The following BCL9 variants were observed in gnomAD, a reference collection of about 807,000 sequenced individuals.
The protein encoded by BCL9 is B-cell CLL/lymphoma 9 protein.
BCL9 carries 25 observed loss-of-function variants against 88.5 expected under a neutral mutation model. That is an observed-to-expected ratio of 0.28 (90% CI 0.21 to 0.39). The LOEUF (loss-of-function observed/expected upper bound fraction) is 0.39. Among genes scored for constraint, BCL9 ranks in the 10% least tolerant of loss-of-function variants. The pLI is 1.00. For synonymous variants in BCL9, 711 were observed against 673.3 expected (o/e 1.06, Z -0.87); for missense variants, 1,817 against 1,877.8 (o/e 0.97, Z 0.60).
At chr1:147,607,944 G>A (rs1657805881) in intron 3 of BCL9, among the ~76,000 whole-genome samples, 1 of 152,156 alleles carries the variant, frequency 6.6e-6, no homozygotes, top group South Asian at 2.1e-4. Context: ...AGCATGAGAA[G>A]AGAAGATGAC....
In BCL9 at chr1:147,622,547, G is replaced by T; in HGVS notation, c.3163+16G>T. The T allele has an allele frequency of 6.2e-7, 1 of 1,613,998 alleles. No homozygotes were observed. The highest frequency in any genetic ancestry group is 8.5e-7 in the Non-Finnish European group (1 of 1,179,896). On this transcript the variant is annotated intron_variant, in intron 9 of 9. Transcript: ENST00000234739. ...AATATGCCAGGTAAGAAATCAGAAAGGCAGGTTGTGGAGTGAGTGCTAGAC... is the reference window on the plus strand; with the variant it reads ...AATATGCCAGGTAAGAAATCAGAAATGCAGGTTGTGGAGTGAGTGCTAGAC...
At chr1:147,557,370 A>T (rs1156252174) in intron 1 of BCL9, among the ~76,000 whole-genome samples, 1 of 152,208 alleles carries the variant, frequency 6.6e-6, no homozygotes, top group Non-Finnish European at 1.5e-5. Flanking sequence ...AATTTCCCTT[A>T]CAGATATATC....
intron 1 of BCL9, among the ~76,000 whole-genome samples, chr1:147,571,171 C>T (rs781950930): frequency 2.6e-5 from 4 of 152,176 alleles, no homozygotes; most frequent in Admixed American, 1.3e-4. Context: ...AGTGTGTGAT[C>T]GGTTGTGGCA....
intron 3 of BCL9, among the ~76,000 whole-genome samples, chr1:147,611,248 G>C (rs1405346534): frequency 6.6e-6 from 1 of 152,194 alleles, no homozygotes; most frequent in Non-Finnish European, 1.5e-5. Flanking sequence ...ACAAGTTTTT[G>C]AGGGTTTTGT....
intron 1 of BCL9, among the ~76,000 whole-genome samples, chr1:147,555,528 A>G (rs1262454881): frequency 2.0e-5 from 3 of 152,260 alleles, no homozygotes; most frequent in Admixed American, 2.0e-4. Flanking sequence ...CAAGTTAGTT[A>G]AGGCAGGAAT....
chr1:147,593,847 G>A (rs185941021), intron 1 of BCL9, among the ~76,000 whole-genome samples: 83 of 152,292 alleles, frequency 5.5e-4, no homozygotes, highest in African/African-American at 1.9e-3. Flanking sequence ...CTGCTCTTGG[G>A]ATATGGGGGA....
Position 147,614,599 on chromosome 1 carries a change from T to C in BCL9, c.543T>C (p.Ser181=), listed in dbSNP as rs1553203504. The stretch of plus-strand genomic sequence containing the variant: ...CAGCCAAAGTGGTGTACGTGTTTTC[T>C]ACTGAGATGGCCAATAAGTAAGTTG... ...KTPAKVVYVF[S]TEMANKAAEA... The change falls in exon 6 of 10, where the codon TCT becomes TCC. Residue 181 remains serine (S), a synonymous_variant. Coordinates refer to ENST00000234739, the MANE Select transcript of BCL9 (RefSeq NM_004326.4). 6.2e-7 allele frequency: 1 copy of C among 1,612,524 alleles called. No homozygotes were observed. Among genetic ancestry groups the C allele is most frequent in the East Asian group, 2.2e-5 (1 of 44,812 alleles).
In BCL9 at chr1:147,614,488, C is replaced by G. The variant is rs781911464; in HGVS notation, c.432C>G (p.Thr144=). 6.2e-7 allele frequency: 1 copy of G among 1,614,028 alleles called. No homozygotes were observed. The highest frequency in any genetic ancestry group is 1.1e-5 in the South Asian group (1 of 91,078). The part of the protein sequence containing the change: ...QDSQHTPHSM[T]PSNATAPRSS... ...CCCAGCACACACCACACTCGATGACCCCATCAAATGCTACAGCCCCCAGGT... is the reference window on the plus strand; with the variant it reads ...CCCAGCACACACCACACTCGATGACGCCATCAAATGCTACAGCCCCCAGGT... The change falls in exon 6 of 10, where the codon ACC becomes ACG. Residue 144 remains threonine, a synonymous_variant. Transcript: ENST00000234739.
In BCL9 at chr1:147,619,430, C is replaced by T. The variant is rs201343865; in HGVS notation, c.1275C>T (p.Asp425=). 2.3e-5 allele frequency: 37 copies of T among 1,613,984 alleles called. No homozygotes were observed. Among genetic ancestry groups the T allele is most frequent in the East Asian group, 1.3e-4 (6 of 44,900 alleles). The change falls in exon 8 of 10, where the codon GAC becomes GAT. Residue 425 remains aspartate (D), a synonymous_variant. Transcript: ENST00000234739. This position sits in a 1 kb window ranked among gnomAD's most constrained non-coding sequence, Gnocchi z 4.1. ...SLGKGPGPRT[D]VGAPFGPQGH... ...GTAAGGGACCTGGGCCCCGGACAGA[C>T]GTGGGAGCTCCATTTGGCCCTCAAG...
chr1:147,553,244 G>A (rs1233649692), intron 1 of BCL9, among the ~76,000 whole-genome samples: 2 of 152,100 alleles, frequency 1.3e-5, no homozygotes, highest in Non-Finnish European at 2.9e-5. Flanking sequence ...ACACTGTAAG[G>A]TAGAACCTCA....
At chr1:147,570,289 T>C (rs1024298261) in intron 1 of BCL9, among the ~76,000 whole-genome samples, 1 of 151,774 alleles carries the variant, frequency 6.6e-6, no homozygotes, top group Non-Finnish European at 1.5e-5. Flanking sequence ...GTGGAAGAAA[T>C]AGCTAAGGAA....
In BCL9 at chr1:147,617,529, C is replaced by CATAA. The variant is rs1553119664; in HGVS notation, c.661-1287_661-1286insATAA. 2.3e-4 allele frequency among the ~76,000 whole-genome samples: 35 copies of CATAA among 151,712 alleles called. 1 individual carries two copies. Among genetic ancestry groups the CATAA allele is most frequent in the Non-Finnish European group, 3.8e-4 (26 of 67,884 alleles). ...ATCATACAAGATTCAGCTGATCTTACCCACACAACTCTTTACCTATAGGCA... is the reference window on the plus strand; with the variant it reads ...ATCATACAAGATTCAGCTGATCTTACATAACCACACAACTCTTTACCTATAGGCA... On this transcript the variant is annotated intron_variant, in intron 7 of 9. Transcript: ENST00000234739.
At chr1:147,548,392 A>T (rs587617953) in intron 1 of BCL9, among the ~76,000 whole-genome samples, 4 of 152,210 alleles carry the variant, frequency 2.6e-5, no homozygotes, top group Admixed American at 2.6e-4. Flanking sequence ...CTCTGCCTGG[A>T]GTGTCTTTTT....
At chr1:147,599,864 A>G (rs1378681430) in intron 1 of BCL9, among the ~76,000 whole-genome samples, 28 of 146,782 alleles carry the variant, frequency 1.9e-4, no homozygotes, top group East Asian at 1.0e-3. Context: ...GGTTGGTACC[A>G]TCGCGCGCGT....
chr1:147,557,446 T>G (rs971150919), intron 1 of BCL9, among the ~76,000 whole-genome samples: 1 of 152,170 alleles, frequency 6.6e-6, no homozygotes, highest in Non-Finnish European at 1.5e-5. Flanking sequence ...TGAGCACCAG[T>G]AGAGGAAAGA....
At chr1:147,604,370 A>AT (rs1431938502) in intron 1 of BCL9, among the ~76,000 whole-genome samples, 6 of 152,200 alleles carry the variant, frequency 3.9e-5, no homozygotes, top group African/African-American at 1.2e-4. Context: ...GTTTTGCAGT[A>AT]TTTTTTAGCA....
At chr1:147,577,725 A>G (rs587594937) in intron 1 of BCL9, among the ~76,000 whole-genome samples, 3 of 152,004 alleles carry the variant, frequency 2.0e-5, no homozygotes, top group African/African-American at 7.3e-5. Context: ...GGATCATTCC[A>G]TTGTAATGAT....
At chr1:147,581,556 T>C (rs1306526697) in intron 1 of BCL9, among the ~76,000 whole-genome samples, 2 of 152,202 alleles carry the variant, frequency 1.3e-5, no homozygotes, top group African/African-American at 4.8e-5. Context: ...TTTTGGTCTT[T>C]TGTTTGGGGG....
intron 7 of BCL9, among the ~76,000 whole-genome samples, chr1:147,617,879 C>A (rs1485748458): frequency 6.6e-6 from 1 of 152,166 alleles, no homozygotes; most frequent in African/African-American, 2.4e-5. Flanking sequence ...TCAGTGCCCT[C>A]TTATATTTCA....
Sources: gnomAD v4.1 joint callset for allele counts (sites outside exome capture counted in the v4.1 genomes callset) on GRCh38, gnomAD v4.1.1 for gene constraint, Gnocchi (gnomAD v3.1) non-coding constraint, MANE v1.5 for transcripts, NCBI Gene and HGNC (gene_info 2026-07-23, HGNC 2026-07-21) for gene names.